The following CASP6 variants were observed in gnomAD, a reference collection of about 807,000 sequenced individuals.
CASP6 encodes caspase-6.
A neutral mutation model predicts 31.8 loss-of-function variants in CASP6; 20 were observed. That is an observed-to-expected ratio of 0.63 (90% CI 0.44 to 0.91). The LOEUF (loss-of-function observed/expected upper bound fraction) is 0.91. Ranked by LOEUF, CASP6 falls within the 40% of genes least tolerant of loss-of-function variation. The probability of loss-of-function intolerance (pLI) is 0.00; values close to 1 mark genes in which losing one functional copy is unlikely to be tolerated. For synonymous variants in CASP6, 130 were observed against 127.8 expected (o/e 1.02, Z -0.12); for missense variants, 328 against 361.1 (o/e 0.91, Z 0.74).
intron 4 of CASP6, 83 bp from the exon 5 acceptor site, chr4:109,694,783 G>T: frequency 7.8e-7 from 1 of 1,288,614 alleles, no homozygotes; most frequent in Non-Finnish European, 1.0e-6. Context: ...ATTAACACAA[G>T]AATAAAGTTA....
chr4:109,692,237 C>T (rs1014224223), intron 5 of CASP6: 8 of 152,112 alleles, frequency 5.3e-5, no homozygotes, highest in African/African-American at 1.9e-4. Flanking sequence ...CTAAATATAA[C>T]AGAACACCTT....
chr4:109,685,344 A>G (rs895497288), downstream of CASP6: 2 of 1,534,286 alleles, frequency 1.3e-6, no homozygotes, highest in Non-Finnish European at 1.8e-6. Flanking sequence ...GCAATACAAC[A>G]AGTTAAAAGA....
upstream of CASP6, among the ~76,000 whole-genome samples, chr4:109,706,001 A>C (rs60045927): frequency 3.2e-5 from 1 of 31,676 alleles, no homozygotes; most frequent in Non-Finnish European, 5.7e-5. Context: ...AAAAAAAAAA[A>C]ATATATATAT....
the CASP6 span, among the ~76,000 whole-genome samples, chr4:109,665,522 G>A: frequency 6.6e-6 from 1 of 152,054 alleles, no homozygotes; most frequent in East Asian, 1.9e-4. Flanking sequence ...GGATGCTCAA[G>A]GCCCTGATAC....
At chr4:109,680,820 G>A in the CASP6 span, among the ~76,000 whole-genome samples, 1 of 152,266 alleles carries the variant, frequency 6.6e-6, no homozygotes, top group East Asian at 1.9e-4. Context: ...CTGGTGGGAA[G>A]GTCCATCTTC....
intron 6 of CASP6, among the ~76,000 whole-genome samples, chr4:109,690,042 T>G (rs5030594): frequency 0.7 from 106,404 of 151,266 alleles, 37,956 homozygotes; most frequent in African/African-American, 0.82. Context: ...AAAATTAGCT[T>G]GGCGTGGTGG....
At chr4:109,703,701 C>G (rs964203967), upstream of CASP6, 3 of 479,492 alleles carry the variant, frequency 6.3e-6, no homozygotes, top group South Asian at 6.6e-5. Context: ...CCAGTTGCCA[C>G]CCGGGGGGAC....
intron 1 of CASP6, among the ~76,000 whole-genome samples, chr4:109,698,551 C>T (rs941399548): frequency 6.6e-6 from 1 of 152,220 alleles, no homozygotes; most frequent in Non-Finnish European, 1.5e-5. Context: ...TCACCCCCAA[C>T]TTGACCTGCA....
the CASP6 span, among the ~76,000 whole-genome samples, chr4:109,680,174 G>A: frequency 1.3e-5 from 2 of 152,096 alleles, no homozygotes; most frequent in South Asian, 2.1e-4. Flanking sequence ...AAATGTTAAC[G>A]TTCAAGGACA....
At chr4:109,703,491 C>CGCCCCCT, upstream of CASP6, 15 of 1,485,468 alleles carry the variant, frequency 1.0e-5, no homozygotes, top group Non-Finnish European at 1.4e-5. Flanking sequence ...TCGGCGGCCC[C>CGCCCCCT]GCCCCCTGCC....
Position 109,694,629 on chromosome 4 carries a change from T to G in CASP6, c.379A>C (p.Ile127Leu). The G allele has an allele frequency of 6.2e-7, 1 of 1,613,104 alleles. No individual in the cohort carries two copies. ...TCGATTTTAGCATCATATGCATAAA[T>G]GTGATTGCCTTCGCCATGGCTCAGG... ...VFLSHGEGNH[I>L]YAYDAKIEIQ... The change falls in exon 5 of 7, where the codon ATT becomes CTT. Residue 127 changes from isoleucine (I) to leucine (L), a missense_variant. Ile to Leu is a conservative substitution (Grantham distance 5, BLOSUM62 2). Coordinates refer to ENST00000265164, the MANE Select transcript of CASP6 (RefSeq NM_001226.4).
At chr4:109,690,736 A>G in intron 6 of CASP6, 114 bp downstream of exon 6, 2 of 1,053,798 alleles carry the variant, frequency 1.9e-6, no homozygotes, top group Non-Finnish European at 2.7e-6. Context: ...TGTGAGCTTC[A>G]GGATGGAATC....
At position 109,691,030 on chromosome 4, in the gene CASP6, A is replaced by C. The variant is rs1434677047; in HGVS notation, c.484-21T>G. The stretch of plus-strand genomic sequence containing the variant: ...CATGCCTACAAGACAAGGAGGAAAA[A>C]CCCACCTCTTTGCCTACTGTTTCCT... On this transcript the variant is annotated intron_variant, in intron 5 of 6. Transcript: ENST00000265164. The C allele has an allele frequency of 1.1e-5, 18 of 1,597,122 alleles. No individual in the cohort carries two copies. The East Asian group carries it at 3.4e-4, about 30-fold the overall frequency.
chr4:109,670,620 G>T, the CASP6 span, among the ~76,000 whole-genome samples: 1 of 151,880 alleles, frequency 6.6e-6, no homozygotes, highest in Non-Finnish European at 1.5e-5. Context: ...GGAGGCTGAG[G>T]CAGGAGAATC....
At chr4:109,669,683 A>C in the CASP6 span, among the ~76,000 whole-genome samples, 1 of 147,564 alleles carries the variant, frequency 6.8e-6, no homozygotes, top group Non-Finnish European at 1.5e-5. Flanking sequence ...TAAAGTTCTT[A>C]GATGTTCTGT....
Position 109,689,540 on chromosome 4 carries a change from G to A in CASP6, c.672C>T (p.Asn224=), listed in dbSNP as rs750804965. 1.5e-5 allele frequency: 24 copies of A among 1,614,076 alleles called. No homozygotes were observed. The highest frequency in any genetic ancestry group is 6.7e-5 in the East Asian group (3 of 44,880). The change falls in exon 7 of 7, where the codon AAC becomes AAT. Residue 224 remains asparagine, a synonymous_variant. Transcript: ENST00000265164. ...EGYYSHRETV[N]GSWYIQDLCE... Reference sequence around the variant, plus strand: ...ACAAATCTTGAATGTACCATGAGCCGTTCACAGTTTCCCGGTGAGAATAAT... The same window carrying A: ...ACAAATCTTGAATGTACCATGAGCCATTCACAGTTTCCCGGTGAGAATAAT...
At chr4:109,682,656 C>T in the CASP6 span, 19 of 1,611,878 alleles carry the variant, frequency 1.2e-5, no homozygotes, top group Non-Finnish European at 1.3e-5. Flanking sequence ...TACAATCTTG[C>T]ATTTAGAAGA....
rs753405636 is a variant in CASP6 at position 109,690,848 on chromosome 4, A to G, written c.643+2T>C. 2 of 1,602,928 alleles carry G rather than the reference A, an allele frequency of 1.2e-6. No individual in the cohort carries two copies. The highest frequency in any genetic ancestry group is 2.2e-5 in the South Asian group (2 of 88,928). ...TATATGTTTGTTTTAAACACCACAC[A>G]CCTTCTGCAACAGAGTAACACATGA... On this transcript the variant is annotated splice_donor_variant, in intron 6 of 6. Transcript: ENST00000265164. LOFTEE classifies it high-confidence loss of function.
At chr4:109,703,622 C>G (rs150166917), upstream of CASP6, 315 of 579,176 alleles carry the variant, frequency 5.4e-4, 1 homozygote, top group African/African-American at 5.0e-3. Context: ...ACCAAGAGCG[C>G]GGGGGCAGGG....
Sources: gnomAD v4.1 joint callset for allele counts (sites outside exome capture counted in the v4.1 genomes callset) on GRCh38, gnomAD v4.1.1 for gene constraint, MANE v1.5 for transcripts, NCBI Gene and HGNC (gene_info 2026-07-23, HGNC 2026-07-21) for gene names.